Variants in NADK2 observed in about 807,000 individuals in gnomAD.
NADK2 encodes the protein NAD kinase domain-containing protein 1, mitochondrial.
A neutral mutation model predicts 62.1 loss-of-function variants in NADK2; 35 were observed. The observed-to-expected ratio is 0.56, with a 90% CI of 0.43 to 0.75. The LOEUF is 0.75. NADK2 is among the 30% of genes least tolerant of loss of function. The pLI, the probability that NADK2 is intolerant of heterozygous loss-of-function variation, is 0.00. For synonymous variants in NADK2, 205 were observed against 207.9 expected, an observed-to-expected ratio of 0.99 and a Z score of 0.12; for missense variants, 439 against 561.3, an observed-to-expected ratio of 0.78 and a Z score of 2.20.
chr5:36,217,959 C>A (rs1747111261), intron 5 of NADK2, 75 bp from the exon 6 acceptor site: 1 of 1,352,766 alleles, frequency 7.4e-7, no homozygotes. Context: ...ATAATTTAAC[C>A]AAATTAAATA....
intron 10 of NADK2, among the ~76,000 whole-genome samples, chr5:36,197,961 AAAC>A (rs1198866944): frequency 1.3e-5 from 2 of 152,092 alleles, no homozygotes; most frequent in African/African-American, 4.8e-5. Context: ...ACTTGTAATT[AAAC>A]AATAGAGGAA....
At chr5:36,209,316 C>T (rs1039835235) in intron 7 of NADK2, among the ~76,000 whole-genome samples, 2 of 152,032 alleles carry the variant, frequency 1.3e-5, no homozygotes, top group Admixed American at 1.3e-4. Flanking sequence ...CACTAACTCC[C>T]CCAAAATCTA....
chr5:36,208,442 G>A (rs909316718), intron 7 of NADK2, among the ~76,000 whole-genome samples: 13 of 151,992 alleles, frequency 8.6e-5, no homozygotes, highest in African/African-American at 3.1e-4. Context: ...AGAGGTAAGG[G>A]GGCATGGGTA....
chr5:36,217,675 T>C, intron 6 of NADK2, 73 bp downstream of exon 6: 1 of 1,581,132 alleles, frequency 6.3e-7, no homozygotes, highest in South Asian at 1.1e-5. Flanking sequence ...AATTATTACA[T>C]CAAAAAATTT....
Position 36,241,908 on chromosome 5 carries a change from C to T in NADK2, c.-110G>A, listed in dbSNP as rs1353428215. 4.3e-6 allele frequency: 4 copies of T among 924,508 alleles called. No individual in the cohort carries two copies. Among genetic ancestry groups the T allele is most frequent in the Non-Finnish European group, 4.0e-6 (3 of 755,684 alleles). The allele number at this position is 924,508 out of a possible 1,614,324, so 57.3% of individuals were successfully genotyped here. A position where few individuals can be genotyped will look rare whatever the true frequency, so the allele number is the denominator to read the frequency against. On this transcript the variant is annotated 5_prime_UTR_variant, in exon 1 of 12. Coordinates refer to ENST00000381937, the MANE Select transcript of NADK2 (RefSeq NM_001085411.3). This position sits in a 1 kb window ranked among gnomAD's most constrained non-coding sequence, Gnocchi z 4.9. ...CCCGGGCCTCTAACTTCGCGCCGGA[C>T]GGGCAGAGGTTAAGTGCCAGGACGT...
chr5:36,225,256 C>A (rs1747439213), intron 4 of NADK2, among the ~76,000 whole-genome samples: 4 of 152,154 alleles, frequency 2.6e-5, no homozygotes, highest in Admixed American at 2.6e-4. Context: ...GTTCTACATA[C>A]CTAAATTTGA....
intron 1 of NADK2, among the ~76,000 whole-genome samples, chr5:36,229,401 G>C (rs2112176699): frequency 6.6e-6 from 1 of 152,308 alleles, no homozygotes; most frequent in African/African-American, 2.4e-5. Context: ...CACTGACTAT[G>C]ATAATAACTA....
Position 36,239,869 on chromosome 5 carries a change from G to A in NADK2, c.300+1630C>T, listed in dbSNP as rs187847833. On this transcript the variant is annotated intron_variant, in intron 1 of 11. Transcript: ENST00000381937. ...ATTTCCACCTATGAGGCCCAGAGAA[G>A]AACACACATAGGAAGTTAACCACAC... 1.3e-3 allele frequency among the ~76,000 whole-genome samples: 204 copies of A among 152,228 alleles called. 1 individual carries two copies. Among genetic ancestry groups the A allele is most frequent in the African/African-American group, 4.9e-3 (202 of 41,542 alleles).
At chr5:36,203,493 G>A (rs1746520893) in intron 8 of NADK2, among the ~76,000 whole-genome samples, 1 of 152,066 alleles carries the variant, frequency 6.6e-6, no homozygotes, top group African/African-American at 2.4e-5. Context: ...GGGCTTGGTA[G>A]AGAAGAGACT....
chr5:36,213,592 T>A (rs1316091184), intron 6 of NADK2, among the ~76,000 whole-genome samples: 1 of 132,422 alleles, frequency 7.6e-6, no homozygotes, highest in Non-Finnish European at 1.7e-5. Flanking sequence ...GAGAAAGACC[T>A]TGATACAAAA....
chr5:36,237,920 A>C (rs938937357), intron 1 of NADK2, among the ~76,000 whole-genome samples: 1 of 152,150 alleles, frequency 6.6e-6, no homozygotes, highest in Non-Finnish European at 1.5e-5. Context: ...AGGTGTCTGC[A>C]TTTTAACAAG....
chr5:36,233,321 A>G (rs530284094), intron 1 of NADK2, among the ~76,000 whole-genome samples: 170 of 152,312 alleles, frequency 1.1e-3, no homozygotes, highest in African/African-American at 3.8e-3. Flanking sequence ...GTTTTCATAC[A>G]ACGTCCAAAA....
intron 7 of NADK2, among the ~76,000 whole-genome samples, chr5:36,210,479 T>C (rs1189174560): frequency 6.7e-6 from 1 of 150,206 alleles, no homozygotes; most frequent in Admixed American, 6.6e-5. Flanking sequence ...TTATGATGTG[T>C]TACACTAAAA....
chr5:36,199,531 T>C (rs549288302), intron 10 of NADK2, among the ~76,000 whole-genome samples: 1 of 152,192 alleles, frequency 6.6e-6, no homozygotes, highest in Admixed American at 6.6e-5. Context: ...GATAGTAGAC[T>C]TCAGTGTGTT....
At chr5:36,199,885 T>G (rs1746373347) in intron 10 of NADK2, among the ~76,000 whole-genome samples, 1 of 152,078 alleles carries the variant, frequency 6.6e-6, no homozygotes, top group Non-Finnish European at 1.5e-5. Context: ...CACTCATAGC[T>G]CAGTGAATTC....
At chr5:36,203,255 G>T (rs1481157950) in intron 8 of NADK2, among the ~76,000 whole-genome samples, 1 of 152,068 alleles carries the variant, frequency 6.6e-6, no homozygotes, top group African/African-American at 2.4e-5. Flanking sequence ...CATCTAATTA[G>T]CTTGGAACAA....
chr5:36,206,111 G>A (rs1746625443), intron 8 of NADK2, among the ~76,000 whole-genome samples: 1 of 152,004 alleles, frequency 6.6e-6, no homozygotes. Context: ...CATGGACACA[G>A]GGAGGGGAAC....
rs1747104106 is a variant in NADK2, at chr5:36,217,807, T to C, written c.722A>G (p.Gln241Arg). The C allele has an allele frequency of 2.2e-5, 35 of 1,614,054 alleles. No individual in the cohort carries two copies. The highest frequency in any genetic ancestry group is 2.9e-5 in the Non-Finnish European group (34 of 1,179,930). Reference sequence around the variant, plus strand: ...ATTGTGCTGATTCAAGCTTAGCTGCTGCTCGTGAAGGTCCACAGGTACAGG... The same window carrying C: ...ATTGTGCTGATTCAAGCTTAGCTGCCGCTCGTGAAGGTCCACAGGTACAGG... The part of the protein sequence containing the change: ...INPVPVDLHE[Q>R]QLSLNQHNRA... Residue 241 changes from glutamine to arginine, a missense_variant, in exon 6 of 12, where the codon CAG (glutamine) becomes CGG (arginine). Physicochemically the swap from Gln to Arg is conservative, Grantham distance 43. Transcript: ENST00000381937.
At chr5:36,239,240 T>G (rs1748019447) in intron 1 of NADK2, among the ~76,000 whole-genome samples, 1 of 152,230 alleles carries the variant, frequency 6.6e-6, no homozygotes, top group African/African-American at 2.4e-5. Context: ...TATCATCTTA[T>G]CACTCCTATT....
Sources: gnomAD v4.1 joint callset for allele counts (sites outside exome capture counted in the v4.1 genomes callset) on GRCh38, gnomAD v4.1.1 for gene constraint, Gnocchi (gnomAD v3.1) non-coding constraint, MANE v1.5 for transcripts, NCBI Gene and HGNC (gene_info 2026-07-23, HGNC 2026-07-21) for gene names.